The following COMMD1 variants were observed in gnomAD, a reference collection of about 807,000 sequenced individuals.
COMMD1 encodes the protein copper metabolism domain containing 1, also known as COMM domain-containing protein 1.
COMMD1 carries 10 observed loss-of-function variants against 17.2 expected under a neutral mutation model. That is an observed-to-expected ratio of 0.58 (90% CI 0.36 to 0.99). The LOEUF (loss-of-function observed/expected upper bound fraction) is 0.99, where lower values mean the gene tolerates loss of function less well. COMMD1 is among the 50% of genes least tolerant of loss of function. COMMD1 has a pLI of 0.01. For synonymous variants in COMMD1, 97 were observed against 91.6 expected (o/e 1.06, Z -0.34); for missense variants, 270 against 231.8 (o/e 1.17, Z -1.07).
intron 2 of COMMD1, among the ~76,000 whole-genome samples, chr2:62,093,129 A>C (rs1418624795): frequency 6.6e-6 from 1 of 152,218 alleles, no homozygotes; most frequent in African/African-American, 2.4e-5. Context: ...CCAACTGTTA[A>C]GGTGGTAGCC....
intron 2 of COMMD1, among the ~76,000 whole-genome samples, chr2:62,046,511 A>G (rs1482889876): frequency 6.6e-6 from 1 of 152,244 alleles, no homozygotes; most frequent in Non-Finnish European, 1.5e-5. Flanking sequence ...ATTTGTGTAC[A>G]TCATGGTGTT....
intron 1 of COMMD1, among the ~76,000 whole-genome samples, chr2:61,945,705 A>G (rs1670886729): frequency 6.6e-6 from 1 of 152,196 alleles, no homozygotes; most frequent in Non-Finnish European, 1.5e-5. Context: ...GACATAATAC[A>G]TCAATCAATA....
intron 2 of COMMD1, among the ~76,000 whole-genome samples, chr2:62,093,653 C>T (rs1186521606): frequency 6.6e-6 from 1 of 152,202 alleles, no homozygotes; most frequent in Admixed American, 6.5e-5. Flanking sequence ...TTCTTTGCTG[C>T]AGCATCAGCT....
At chr2:62,071,949 C>G (rs1342052046) in intron 2 of COMMD1, among the ~76,000 whole-genome samples, 2 of 151,394 alleles carry the variant, frequency 1.3e-5, no homozygotes, top group Admixed American at 1.3e-4. Flanking sequence ...CCATGCAAGG[C>G]AAGTGTTAAG....
At chr2:62,015,409 T>G (rs1414223385) in intron 2 of COMMD1, among the ~76,000 whole-genome samples, 1 of 152,238 alleles carries the variant, frequency 6.6e-6, no homozygotes, top group African/African-American at 2.4e-5. Flanking sequence ...CACATTTTGT[T>G]TATCCATTTA....
At chr2:61,945,261 G>T (rs1670876628) in intron 1 of COMMD1, among the ~76,000 whole-genome samples, 1 of 152,210 alleles carries the variant, frequency 6.6e-6, no homozygotes, top group African/African-American at 2.4e-5. Context: ...TCAAACTCCA[G>T]AAAGGAGTTA....
At chr2:61,893,903 C>T (rs1669497247) in intron 1 of COMMD1, among the ~76,000 whole-genome samples, 1 of 151,576 alleles carries the variant, frequency 6.6e-6, no homozygotes, top group African/African-American at 2.4e-5. Context: ...GGGCACAATA[C>T]AAAAAGTAAG....
chr2:62,058,169 C>G (rs939838862), intron 2 of COMMD1, among the ~76,000 whole-genome samples: 4 of 152,140 alleles, frequency 2.6e-5, no homozygotes, highest in Admixed American at 6.5e-5. Flanking sequence ...ACCATGCACA[C>G]TTGAAAAGAA....
intron 1 of COMMD1, among the ~76,000 whole-genome samples, chr2:61,967,346 TC>T (rs1439487803): frequency 6.6e-6 from 1 of 152,224 alleles, no homozygotes; most frequent in African/African-American, 2.4e-5. Flanking sequence ...TAGTCATTTT[TC>T]CATGAAAGTT....
intron 1 of COMMD1, among the ~76,000 whole-genome samples, chr2:61,972,913 C>T (rs1024682712): frequency 2.6e-5 from 4 of 152,244 alleles, no homozygotes; most frequent in South Asian, 2.1e-4. Flanking sequence ...TCAAGTGATC[C>T]GCCCGCTTCG....
intron 1 of COMMD1, among the ~76,000 whole-genome samples, chr2:61,959,818 C>T (rs955580550): frequency 2.6e-5 from 4 of 152,216 alleles, no homozygotes; most frequent in Non-Finnish European, 4.4e-5. Context: ...AGCTGTCCAG[C>T]CACGAGAGCA....
intron 1 of COMMD1, among the ~76,000 whole-genome samples, chr2:61,926,922 A>G (rs1446174096): frequency 2.0e-5 from 3 of 152,178 alleles, no homozygotes; most frequent in Admixed American, 6.5e-5. Context: ...CCTTGGCTAA[A>G]TAAACCTCTA....
intron 2 of COMMD1, among the ~76,000 whole-genome samples, chr2:62,089,747 C>T (rs1392091074): frequency 1.3e-5 from 2 of 152,076 alleles, no homozygotes; most frequent in Non-Finnish European, 2.9e-5. Flanking sequence ...GTTTGTAGGG[C>T]GTGACTCCCA....
At chr2:62,056,878 A>G (rs1670719624) in intron 2 of COMMD1, among the ~76,000 whole-genome samples, 1 of 152,228 alleles carries the variant, frequency 6.6e-6, no homozygotes, top group Non-Finnish European at 1.5e-5. Flanking sequence ...GTTTGAGGCA[A>G]CTTCAAATCT....
At chr2:61,939,770 A>G (rs1466132134) in intron 1 of COMMD1, among the ~76,000 whole-genome samples, 2 of 152,234 alleles carry the variant, frequency 1.3e-5, no homozygotes, top group South Asian at 2.1e-4. Context: ...TTCTTTAACC[A>G]GAGCAGCAGC....
chr2:61,965,030 C>T (rs997326656), intron 1 of COMMD1, among the ~76,000 whole-genome samples: 3 of 151,852 alleles, frequency 2.0e-5, no homozygotes, highest in African/African-American at 7.3e-5. Context: ...AGCAAGACTC[C>T]GTCTCAAAAA....
intron 2 of COMMD1, among the ~76,000 whole-genome samples, chr2:62,114,987 T>C (rs576800211): frequency 7.9e-5 from 12 of 152,302 alleles, no homozygotes; most frequent in Admixed American, 7.8e-4. Flanking sequence ...ATAGAGATAG[T>C]GCTTAACTGG....
intron 1 of COMMD1, among the ~76,000 whole-genome samples, chr2:61,971,074 A>C (rs1047474971): frequency 2.6e-5 from 4 of 152,086 alleles, no homozygotes. Flanking sequence ...ATGCCCGGCT[A>C]ATTTTTGCAT....
At chr2:61,944,848 G>A (rs1423794754) in intron 1 of COMMD1, among the ~76,000 whole-genome samples, 3 of 151,884 alleles carry the variant, frequency 2.0e-5, no homozygotes, top group African/African-American at 7.3e-5. Context: ...TTTTTTTTTG[G>A]CAGCAAAGAT....
Sources: allele counts gnomAD v4.1 joint callset (sites outside exome capture counted in the v4.1 genomes callset), GRCh38; gene constraint gnomAD v4.1.1; transcripts MANE v1.5; gene names NCBI Gene and HGNC (gene_info 2026-07-23, HGNC 2026-07-21).